The following DOCK5 variants were observed in gnomAD, a reference collection of about 807,000 sequenced individuals.
DOCK5 encodes the protein dedicator of cytokinesis 5.
In DOCK5, 142 loss-of-function variants were observed where a neutral mutation model predicts 251.8. The ratio of observed to expected loss-of-function variants is 0.56; its 90% confidence interval spans 0.49 to 0.65. The LOEUF (loss-of-function observed/expected upper bound fraction) is 0.65, where lower values mean the gene tolerates loss of function less well. Among genes scored for constraint, DOCK5 ranks in the 30% least tolerant of loss-of-function variants. DOCK5 has a pLI of 0.00. For synonymous variants in DOCK5, 842 were observed against 835.5 expected (o/e 1.01, Z -0.13); for missense variants, 2,111 against 2,312.3 (o/e 0.91, Z 1.79).
chr8:25,225,872 T>C (rs935210282), intron 1 of DOCK5, among the ~76,000 whole-genome samples: 1 of 152,154 alleles, frequency 6.6e-6, no homozygotes, highest in Non-Finnish European at 1.5e-5. Context: ...AAAAGGGAGT[T>C]ACCAGGGGGT....
At chr8:25,333,405 T>A (rs1473596229) in intron 20 of DOCK5, among the ~76,000 whole-genome samples, 1 of 152,114 alleles carries the variant, frequency 6.6e-6, no homozygotes, top group Non-Finnish European at 1.5e-5. Context: ...AGGTTTAAGA[T>A]AAAGAAAGAA....
intron 1 of DOCK5, among the ~76,000 whole-genome samples, chr8:25,225,153 T>C (rs1802497322): frequency 6.6e-6 from 1 of 152,218 alleles, no homozygotes; most frequent in African/African-American, 2.4e-5. Flanking sequence ...CTGGTGGGAA[T>C]GTAAAATGGT....
chr8:25,397,092 G>A (rs563231562), intron 45 of DOCK5, among the ~76,000 whole-genome samples: 260 of 152,032 alleles, frequency 1.7e-3, no homozygotes, highest in African/African-American at 6.1e-3. Context: ...CGTGATGGCG[G>A]GTGCCTGTAA....
chr8:25,349,554 T>C (rs972950071), intron 26 of DOCK5, among the ~76,000 whole-genome samples: 1 of 152,200 alleles, frequency 6.6e-6, no homozygotes, highest in African/African-American at 2.4e-5. Flanking sequence ...TAAAGTGTGG[T>C]ATATATGCAT....
intron 22 of DOCK5, among the ~76,000 whole-genome samples, chr8:25,337,841 T>C (rs1805854046): frequency 6.6e-6 from 1 of 152,002 alleles, no homozygotes; most frequent in East Asian, 1.9e-4. Context: ...CGCCTCGGCC[T>C]CCGAAAGTGC....
rs1375862736 is a variant in DOCK5, at chr8:25,363,257, G to A, written c.3044+116G>A. 3 of 814,422 alleles carry A rather than the reference G, an allele frequency of 3.7e-6. No homozygotes were observed. In the African/African-American group the frequency reaches 5.1e-5, roughly 14 times the overall value. 50.4% of individuals were successfully genotyped at this position (814,422 alleles called of 1,614,324 possible). The stretch of plus-strand genomic sequence containing the variant: ...CTCAAACCCATCATCTGTAAAGTGA[G>A]GATCTTCCTGCTCCAGAGGTCCTAA... On this transcript the variant is annotated intron_variant, in intron 29 of 51. Transcript: ENST00000276440.
chr8:25,297,590 T>C (rs896377114), intron 7 of DOCK5, among the ~76,000 whole-genome samples: 5 of 152,074 alleles, frequency 3.3e-5, no homozygotes, highest in Non-Finnish European at 5.9e-5. Context: ...AGTTTCACCA[T>C]ATTGGTCAGG....
intron 12 of DOCK5, among the ~76,000 whole-genome samples, chr8:25,310,102 A>G (rs1379103804): frequency 6.6e-6 from 1 of 152,078 alleles, no homozygotes; most frequent in African/African-American, 2.4e-5. Flanking sequence ...TCATGTATAT[A>G]TCTTTTTTAC....
intron 13 of DOCK5, 39 bp downstream of exon 13, chr8:25,310,571 G>A (rs755344229): frequency 1.9e-6 from 3 of 1,554,450 alleles, no homozygotes; most frequent in Admixed American, 2.0e-5. Flanking sequence ...GCTTCCTCCT[G>A]TTCAGCGATT....
intron 1 of DOCK5, among the ~76,000 whole-genome samples, chr8:25,236,104 G>C (rs1423075320): frequency 6.6e-6 from 1 of 152,022 alleles, no homozygotes; most frequent in African/African-American, 2.4e-5. Context: ...GGCCAAGATA[G>C]AGATTTCTAA....
At chr8:25,203,266 G>T (rs1801923161) in intron 1 of DOCK5, among the ~76,000 whole-genome samples, 1 of 152,234 alleles carries the variant, frequency 6.6e-6, no homozygotes, top group African/African-American at 2.4e-5. Context: ...CTTGCATATA[G>T]AATATACTGG....
rs1195003544 is a variant in DOCK5 at position 25,246,709 on chromosome 8, T to C, written c.127+2952T>C. On this transcript the variant is annotated intron_variant, in intron 2 of 51. Coordinates refer to ENST00000276440, the MANE Select transcript of DOCK5 (RefSeq NM_024940.8). The stretch of plus-strand genomic sequence containing the variant: ...TTCTTCACTGCCATGTTAGTTTGTG[T>C]GTGTGTGTGTGTGTGTGTGTGTGTG... Among the ~76,000 whole-genome samples the C allele has an allele frequency of 4.5e-3, 302 of 67,142 alleles. 5 individuals are homozygous for C. Among genetic ancestry groups the C allele is most frequent in the African/African-American group, 0.023 (290 of 12,368 alleles). 44.0% of individuals were successfully genotyped at this position (67,142 alleles called of 152,430 possible). A position where few individuals can be genotyped will look rare whatever the true frequency, so the allele number is the denominator to read the frequency against.
chr8:25,354,027 T>TTAA lies in DOCK5; in HGVS notation c.2850+2201_2850+2202insTAA, dbSNP rs1335448074. Among the ~76,000 whole-genome samples the TTAA allele has an allele frequency of 4.1e-3, 32 of 7,768 alleles. 3 individuals carry two copies. Among genetic ancestry groups the TTAA allele is most frequent in the African/African-American group, 6.0e-3 (30 of 5,028 alleles). The allele number at this position is 7,768 out of a possible 152,430, so 5.1% of individuals were successfully genotyped here. A position where few individuals can be genotyped will look rare whatever the true frequency, so the allele number is the denominator to read the frequency against. On this transcript the variant is annotated intron_variant, in intron 27 of 51. Coordinates refer to ENST00000276440, the MANE Select transcript of DOCK5 (RefSeq NM_024940.8). ...TGGGTGACAGAGTGAGACTTTGTCT[T>TTAA]AAAAAAAAAAAAAAAAAAAAACAAA... is the stretch of plus-strand genomic sequence containing the variant.
intron 2 of DOCK5, among the ~76,000 whole-genome samples, chr8:25,266,771 G>A (rs1803764017): frequency 6.6e-6 from 1 of 151,296 alleles, no homozygotes; most frequent in African/African-American, 2.5e-5. Context: ...TACAAATTCA[G>A]CATGATAATT....
At chr8:25,395,909 G>C in intron 45 of DOCK5, 190 bp downstream of exon 45, 1 of 740,558 alleles carries the variant, frequency 1.4e-6, no homozygotes, top group Non-Finnish European at 2.3e-6. Context: ...AACCCAGCTG[G>C]TATAGAACTT....
Position 25,353,715 on chromosome 8 carries a change from C to G in DOCK5, c.2850+1889C>G, listed in dbSNP as rs186082441. ...CTGATCTGTCTTTTCCACCCATTGA[C>G]TATTGAAGGGTAAGAATGACTTAGG... is the stretch of plus-strand genomic sequence containing the variant. On this transcript the variant is annotated intron_variant, in intron 27 of 51. Coordinates refer to ENST00000276440, the MANE Select transcript of DOCK5 (RefSeq NM_024940.8). Among the ~76,000 whole-genome samples, 12 of 152,108 alleles carry G rather than the reference C, an allele frequency of 7.9e-5. No individual in the cohort carries two copies. In the East Asian group the frequency reaches 2.3e-3, roughly 29 times the overall value.
intron 1 of DOCK5, among the ~76,000 whole-genome samples, chr8:25,194,474 G>A (rs1356352111): frequency 2.0e-5 from 3 of 151,692 alleles, no homozygotes; most frequent in Admixed American, 6.6e-5. Flanking sequence ...CCTTCCCTCC[G>A]CTTTGCCACA....
chr8:25,291,682 C>CAAAA (rs5890216), intron 5 of DOCK5, among the ~76,000 whole-genome samples: 4 of 118,310 alleles, frequency 3.4e-5, no homozygotes, highest in East Asian at 2.5e-4. Flanking sequence ...GACTCCGTCT[C>CAAAA]AAAAAAAAAA....
At chr8:25,253,814 G>A (rs1803340390) in intron 2 of DOCK5, among the ~76,000 whole-genome samples, 1 of 152,190 alleles carries the variant, frequency 6.6e-6, no homozygotes, top group Non-Finnish European at 1.5e-5. Flanking sequence ...CAAAATGTCA[G>A]TTCTTCTGAA....
Sources: gnomAD v4.1 joint callset for allele counts (sites outside exome capture counted in the v4.1 genomes callset) on GRCh38, gnomAD v4.1.1 for gene constraint, MANE v1.5 for transcripts, NCBI Gene and HGNC (gene_info 2026-07-23, HGNC 2026-07-21) for gene names.